Variants in BOC observed in about 807,000 individuals in gnomAD.
BOC encodes brother of CDO.
Under a neutral mutation model 112.0 loss-of-function variants are expected in BOC, and 76 were observed. The ratio of observed to expected loss-of-function variants is 0.68; its 90% confidence interval spans 0.56 to 0.82. The LOEUF is 0.82. Ranked by LOEUF, BOC falls within the 40% of genes least tolerant of loss-of-function variation. BOC has a pLI of 0.00. For missense variants in BOC, 1,309 were observed against 1,511.7 expected (o/e 0.87, Z 2.22); for synonymous variants, 580 against 599.8 (o/e 0.97, Z 0.48).
chr3:113,210,996 C>G (rs1402351230), upstream of BOC: 3 of 152,230 alleles, frequency 2.0e-5, no homozygotes, highest in Non-Finnish European at 4.4e-5. Flanking sequence ...CGCGGCAAAC[C>G]CTCCCCAACC....
rs781163662 is a variant in BOC at position 113,280,313 on chromosome 3, C to G, written c.2206-245C>G. ...CAGGGAGATCAGAAGCAATTGAAGT[C>G]TTTGGAGAAATGGCAATTTGTTTCT... is the stretch of plus-strand genomic sequence containing the variant. On this transcript the variant is annotated intron_variant, in intron 13 of 19. Coordinates refer to ENST00000682979, the MANE Select transcript of BOC (RefSeq NM_001378074.1). Among the ~76,000 whole-genome samples the G allele has an allele frequency of 2.6e-5, 4 of 152,160 alleles. No homozygotes were observed. In the East Asian group the frequency reaches 5.8e-4, roughly 22 times the overall value.
intron 2 of BOC, among the ~76,000 whole-genome samples, chr3:113,231,464 G>C (rs1369825768): frequency 6.6e-6 from 1 of 152,310 alleles, no homozygotes; most frequent in African/African-American, 2.4e-5. Context: ...TCTTAGGCCA[G>C]TATTTCTCAA....
chr3:113,273,094 A>G lies in BOC; in HGVS notation c.987A>G (p.Leu329=), dbSNP rs1407632263. The G allele has an allele frequency of 1.2e-6, 2 of 1,608,326 alleles. No individual in the cohort carries two copies. The highest frequency in any genetic ancestry group is 2.2e-5 in the East Asian group (1 of 44,644). Reference sequence around the variant, plus strand: ...AACCCCCTGAGGTCACCATGGAGCTATCCCAGCTGGTCATCCCCTGGGGCC... The same window carrying G: ...AACCCCCTGAGGTCACCATGGAGCTGTCCCAGCTGGTCATCCCCTGGGGCC... ...VFEPPEVTME[L]SQLVIPWGQS... The change falls in exon 8 of 20, where the codon CTA becomes CTG. Residue 329 remains leucine (L), a synonymous_variant. Transcript: ENST00000682979.
At chr3:113,270,265 C>G (rs1272132631) in intron 5 of BOC, 1 of 152,370 alleles carries the variant, frequency 6.6e-6, no homozygotes, top group Non-Finnish European at 1.5e-5. Flanking sequence ...AATCAATTTC[C>G]TCCTTCCTGG....
chr3:113,221,231 T>C (rs1054454094), intron 2 of BOC, among the ~76,000 whole-genome samples: 5 of 152,174 alleles, frequency 3.3e-5, no homozygotes, highest in African/African-American at 1.2e-4. Context: ...CTGTTATTAT[T>C]AGGGAAGGAA....
intron 2 of BOC, among the ~76,000 whole-genome samples, chr3:113,238,225 C>T (rs983161790): frequency 6.6e-6 from 1 of 152,140 alleles, no homozygotes; most frequent in Admixed American, 6.5e-5. Flanking sequence ...GAAAATGCAG[C>T]CTCCCCAGAT....
At position 113,220,832 on chromosome 3, in the gene BOC, A is replaced by G. The variant is rs557957161; in HGVS notation, c.-82+4558A>G. 2.0e-5 allele frequency among the ~76,000 whole-genome samples: 3 copies of G among 152,346 alleles called. No homozygotes were observed. The East Asian group carries it at 5.8e-4, about 29-fold the overall frequency. The stretch of plus-strand genomic sequence containing the variant: ...GAGAGAGGAAAAGGACTCGTGGCCA[A>G]ATAATTCTGGTTAACATTCTTTTTT... On this transcript the variant is annotated intron_variant, in intron 2 of 19. Transcript: ENST00000682979.
rs780301436 is a variant in BOC at position 113,250,689 on chromosome 3, T to C, written c.232T>C (p.Ser78Pro). Residue 78 changes from serine (S) to proline (P), a missense_variant, in exon 4 of 20, where the codon TCG becomes CCG. By Grantham distance (74) the Ser-to-Pro change is moderately conservative (BLOSUM62 -1). Coordinates refer to ENST00000682979, the MANE Select transcript of BOC (RefSeq NM_001378074.1). ...WRLNGKELNGSDDALGVLITH... is the reference protein window; with the variant it reads ...WRLNGKELNGPDDALGVLITH... ...CCTGAATGGAAAGGAGCTGAATGGC[T>C]CGGATGATGCTCTGGGTGTCCTCAT... 1.2e-6 allele frequency: 2 copies of C among 1,614,022 alleles called. No individual in the cohort carries two copies. The highest frequency in any genetic ancestry group is 1.7e-6 in the Non-Finnish European group (2 of 1,180,044).
At chr3:113,273,022 G>A (rs1264255075) in intron 7 of BOC, 47 bp from the exon 8 acceptor site, 1 of 1,562,450 alleles carries the variant, frequency 6.4e-7, no homozygotes, top group Admixed American at 1.7e-5. Flanking sequence ...TCTGGCCCTG[G>A]GACAGAAAGA....
At chr3:113,251,188 A>C (rs1440197250) in intron 4 of BOC, 6 of 510,046 alleles carry the variant, frequency 1.2e-5, no homozygotes, top group Non-Finnish European at 2.1e-5. Context: ...GCACTGTCCC[A>C]ACTGCTCACA....
chr3:113,239,746 T>G (rs4682476), intron 2 of BOC, among the ~76,000 whole-genome samples: 150,235 of 152,352 alleles, frequency 0.99, 74,112 homozygotes, highest in Middle Eastern at 1. Context: ...GAGCTTGGCT[T>G]CTCCGTGGTG....
intron 2 of BOC, among the ~76,000 whole-genome samples, chr3:113,233,047 G>A (rs1269402936): frequency 6.6e-6 from 1 of 151,970 alleles, no homozygotes; most frequent in Non-Finnish European, 1.5e-5. Context: ...CTCCCATCTT[G>A]TCATTGACTT....
Position 113,278,807 on chromosome 3 carries a change from G to C in BOC, c.1816+24G>C, listed in dbSNP as rs1948908055. On this transcript the variant is annotated intron_variant, in intron 11 of 19. Transcript: ENST00000682979. The surrounding 1 kb of genome is among the most constrained non-coding windows in gnomAD (Gnocchi z 4.2). Reference sequence around the variant, plus strand: ...CCGTAAGCCGCTAGCAGCAGGGACGGACGCGCAGTCAGGACTGGAACTGCC... The same window carrying C: ...CCGTAAGCCGCTAGCAGCAGGGACGCACGCGCAGTCAGGACTGGAACTGCC... 1.3e-6 allele frequency: 2 copies of C among 1,547,412 alleles called. No homozygotes were observed. Among genetic ancestry groups the C allele is most frequent in the Non-Finnish European group, 1.7e-6 (2 of 1,143,410 alleles).
intron 4 of BOC, among the ~76,000 whole-genome samples, chr3:113,255,993 A>T: frequency 6.6e-6 from 1 of 152,238 alleles, no homozygotes; most frequent in East Asian, 1.9e-4. Flanking sequence ...TGGTCTTTAG[A>T]CTGACTGCCA....
chr3:113,233,936 C>A (rs1426857073), intron 2 of BOC, among the ~76,000 whole-genome samples: 3 of 152,038 alleles, frequency 2.0e-5, no homozygotes, highest in Admixed American at 1.3e-4. Flanking sequence ...ACTCACGTAT[C>A]ACCTTCCCCT....
Position 113,284,338 on chromosome 3 carries a change from A to G in BOC, c.2660A>G (p.His887Arg). Residue 887 changes from histidine (H) to arginine (R), a missense_variant, in exon 17 of 20, where the codon CAT becomes CGT. Physicochemically the swap from His to Arg is conservative, Grantham distance 29. Transcript: ENST00000682979. ...CLWRAWSKQK[H>R]TTDLGFPRSA... ...CTTTATTTTTCTGTCCTTCCAGAACATACAACAGACCTGGGTTTTCCTCGA... is the reference window on the plus strand; with the variant it reads ...CTTTATTTTTCTGTCCTTCCAGAACGTACAACAGACCTGGGTTTTCCTCGA... 6.2e-7 allele frequency: 1 copy of G among 1,613,800 alleles called. No individual in the cohort carries two copies. Among genetic ancestry groups the G allele is most frequent in the Non-Finnish European group, 8.5e-7 (1 of 1,179,700 alleles).
In BOC at chr3:113,272,525, G is replaced by A; in HGVS notation, c.783G>A (p.Arg261=). The part of the protein sequence containing the change: ...ECVASGIPPP[R]VTWAKDGSSV... ...TGGCCAGTGGAATCCCACCCCCACG[G>A]GTCACCTGGGCCAAGGATGGGTCCA... The change falls in exon 7 of 20, where the codon CGG becomes CGA. Residue 261 remains arginine, a synonymous_variant. Coordinates refer to ENST00000682979, the MANE Select transcript of BOC (RefSeq NM_001378074.1). 3 of 1,614,030 alleles carry A rather than the reference G, an allele frequency of 1.9e-6. No individual in the cohort carries two copies. The highest frequency in any genetic ancestry group is 2.5e-6 in the Non-Finnish European group (3 of 1,179,988).
intron 9 of BOC, among the ~76,000 whole-genome samples, chr3:113,275,425 C>T (rs988009144): frequency 1.2e-4 from 19 of 152,190 alleles, no homozygotes; most frequent in African/African-American, 4.3e-4. Context: ...GTCCCCAGGC[C>T]GCCACTCTCG....
chr3:113,246,853 A>G (rs76777369), intron 2 of BOC, among the ~76,000 whole-genome samples: 1,623 of 151,936 alleles, frequency 0.011, 31 homozygotes, highest in African/African-American at 0.037. Context: ...CTCACTCCCA[A>G]TTCTTTTCTC....
Sources: allele counts gnomAD v4.1 joint callset (sites outside exome capture counted in the v4.1 genomes callset), GRCh38; gene constraint gnomAD v4.1.1; non-coding constraint Gnocchi (gnomAD v3.1); transcripts MANE v1.5; gene names NCBI Gene and HGNC (gene_info 2026-07-23, HGNC 2026-07-21).